SULF1: variants seen among roughly 807,000 people sequenced by gnomAD.
SULF1 encodes extracellular sulfatase Sulf-1.
Under a neutral mutation model 110.5 loss-of-function variants are expected in SULF1, and 46 were observed. That is an observed-to-expected ratio of 0.42 (90% CI 0.33 to 0.53). The LOEUF is 0.53. Ranked by LOEUF, SULF1 falls within the 20% of genes least tolerant of loss-of-function variation. The pLI is 0.12. For missense variants in SULF1, 941 were observed against 1,094.2 expected, an observed-to-expected ratio of 0.86 and a Z score of 1.98; for synonymous variants, 371 against 387.1, an observed-to-expected ratio of 0.96 and a Z score of 0.49.
At chr8:69,513,323 G>A (rs1811704785) in intron 3 of SULF1, among the ~76,000 whole-genome samples, 1 of 152,162 alleles carries the variant, frequency 6.6e-6, no homozygotes, top group East Asian at 1.9e-4. Context: ...TGTGGAAATA[G>A]AGCCAGAAAT....
Position 69,506,105 on chromosome 8 carries a change from C to G in SULF1, c.-134+4137C>G, listed in dbSNP as rs534480458. Among the ~76,000 whole-genome samples, 3 of 152,222 alleles carry G rather than the reference C, an allele frequency of 2.0e-5. No homozygotes were observed. The South Asian group carries it at 6.2e-4, about 32-fold the overall frequency. On this transcript the variant is annotated intron_variant, in intron 3 of 22. Coordinates refer to ENST00000402687, the MANE Select transcript of SULF1 (RefSeq NM_001128205.2). ...GTTTTGTTTTCACCTACCTTTGTGT[C>G]AAAACGGTTCATACAATTTCTGCAT... is the stretch of plus-strand genomic sequence containing the variant.
chr8:69,609,843 C>T (rs1055235509), intron 13 of SULF1, among the ~76,000 whole-genome samples: 1 of 152,184 alleles, frequency 6.6e-6, no homozygotes, highest in Admixed American at 6.5e-5. Context: ...GTATGAGACC[C>T]AGGTACCAGT....
chr8:69,548,999 C>T (rs1442065009), intron 3 of SULF1, among the ~76,000 whole-genome samples: 1 of 152,180 alleles, frequency 6.6e-6, no homozygotes, highest in Non-Finnish European at 1.5e-5. Context: ...GAGAGCGGAA[C>T]TTATACCCAC....
intron 13 of SULF1, among the ~76,000 whole-genome samples, chr8:69,607,504 A>G (rs1299069360): frequency 6.6e-6 from 1 of 152,134 alleles, no homozygotes; most frequent in African/African-American, 2.4e-5. Flanking sequence ...AGCTAGGACT[A>G]CAGGCACACA....
intron 19 of SULF1, among the ~76,000 whole-genome samples, chr8:69,632,401 T>A (rs1430996091): frequency 1.3e-5 from 2 of 152,180 alleles, no homozygotes; most frequent in East Asian, 1.9e-4. Context: ...GTATATGTAA[T>A]ATATATACTA....
chr8:69,484,366 G>A (rs1336384082), intron 1 of SULF1, among the ~76,000 whole-genome samples: 2 of 152,228 alleles, frequency 1.3e-5, no homozygotes, highest in South Asian at 4.1e-4. Flanking sequence ...TTCAATAAAT[G>A]TTTGTTAAAT....
chr8:69,496,328 C>T (rs372079710), intron 2 of SULF1, among the ~76,000 whole-genome samples: 25 of 152,320 alleles, frequency 1.6e-4, no homozygotes, highest in Middle Eastern at 3.4e-3. Flanking sequence ...AAGAGCCTTA[C>T]CACTTATTAG....
chr8:69,496,632 G>A (rs1006122552), intron 2 of SULF1, among the ~76,000 whole-genome samples: 1 of 152,194 alleles, frequency 6.6e-6, no homozygotes, highest in Non-Finnish European at 1.5e-5. Flanking sequence ...CACAATTGAA[G>A]TATGAAGAAT....
At chr8:69,472,427 T>C (rs1809124115) in intron 1 of SULF1, among the ~76,000 whole-genome samples, 1 of 152,256 alleles carries the variant, frequency 6.6e-6, no homozygotes, top group African/African-American at 2.4e-5. Flanking sequence ...TTGAGCCCCT[T>C]ACCATTCCCA....
intron 3 of SULF1, among the ~76,000 whole-genome samples, chr8:69,533,343 A>G (rs1028998070): frequency 3.3e-5 from 5 of 152,102 alleles, no homozygotes; most frequent in African/African-American, 1.2e-4. Flanking sequence ...CCTATCCTCA[A>G]TAACTTAGGT....
chr8:69,519,245 C>A (rs1223188105), intron 3 of SULF1, among the ~76,000 whole-genome samples: 1 of 152,180 alleles, frequency 6.6e-6, no homozygotes, highest in Non-Finnish European at 1.5e-5. Flanking sequence ...CCCTTCAAGG[C>A]AGTGACAGGG....
chr8:69,475,453 G>T (rs1325745172), intron 1 of SULF1, among the ~76,000 whole-genome samples: 1 of 152,066 alleles, frequency 6.6e-6, no homozygotes, highest in Non-Finnish European at 1.5e-5. Flanking sequence ...GACGCAGTGG[G>T]AATAAGGAAA....
At chr8:69,605,560 A>G (rs1378606101) in intron 13 of SULF1, among the ~76,000 whole-genome samples, 3 of 152,252 alleles carry the variant, frequency 2.0e-5, no homozygotes, top group Non-Finnish European at 4.4e-5. Flanking sequence ...AGTAAGAATA[A>G]AAGAAATACT....
At chr8:69,594,633 A>T (rs1255259001) in intron 8 of SULF1, among the ~76,000 whole-genome samples, 1 of 152,228 alleles carries the variant, frequency 6.6e-6, no homozygotes, top group Non-Finnish European at 1.5e-5. Flanking sequence ...TTGCCTTAAA[A>T]GAATTTGCAC....
intron 3 of SULF1, among the ~76,000 whole-genome samples, chr8:69,558,766 C>T (rs780969164): frequency 3.9e-5 from 6 of 152,186 alleles, no homozygotes; most frequent in South Asian, 2.1e-4. Context: ...GTCTCAGTAT[C>T]CCTTTATATA....
intron 1 of SULF1, among the ~76,000 whole-genome samples, chr8:69,471,993 G>T (rs1349496323): frequency 1.4e-5 from 2 of 139,962 alleles, no homozygotes; most frequent in Non-Finnish European, 3.2e-5. Flanking sequence ...GCAAGGGAGA[G>T]AAAGTGAGAG....
chr8:69,511,676 G>T (rs749668340), intron 3 of SULF1, among the ~76,000 whole-genome samples: 2 of 152,154 alleles, frequency 1.3e-5, no homozygotes, highest in Non-Finnish European at 2.9e-5. Flanking sequence ...CACTAGGGTG[G>T]TGCATTTGTT....
At chr8:69,635,156 G>C (rs982700778) in intron 19 of SULF1, among the ~76,000 whole-genome samples, 2 of 152,232 alleles carry the variant, frequency 1.3e-5, no homozygotes, top group African/African-American at 4.8e-5. Flanking sequence ...GAGGGAGAGA[G>C]GGTTGAATAG....
chr8:69,526,837 GGA>G (rs1563498452), intron 3 of SULF1, among the ~76,000 whole-genome samples: 93 of 142,736 alleles, frequency 6.5e-4, no homozygotes, highest in African/African-American at 2.6e-3. Context: ...AAGGAAGGAA[GGA>G]AGGGAGGAAG....
Sources: allele counts gnomAD v4.1 joint callset (sites outside exome capture counted in the v4.1 genomes callset), GRCh38; gene constraint gnomAD v4.1.1; transcripts MANE v1.5; gene names NCBI Gene and HGNC (gene_info 2026-07-23, HGNC 2026-07-21).